The following NXPE2 variants were observed in gnomAD, a reference collection of about 807,000 sequenced individuals.
NXPE2 encodes NXPE family member 2.
A neutral mutation model predicts 34.4 loss-of-function variants in NXPE2; 34 were observed. The observed-to-expected ratio is 0.99, with a 90% CI of 0.75 to 1.31. The LOEUF (loss-of-function observed/expected upper bound fraction) is 1.31. Among genes scored for constraint, NXPE2 ranks in the 40% most tolerant of loss-of-function variants. The probability of loss-of-function intolerance (pLI) is 0.00; values close to 1 mark genes in which losing one functional copy is unlikely to be tolerated. For synonymous variants in NXPE2, 235 were observed against 231.3 expected (o/e 1.02, Z -0.15); for missense variants, 649 against 672.5 (o/e 0.97, Z 0.39).
the NXPE2 span, among the ~76,000 whole-genome samples, chr11:114,792,958 G>A: frequency 1.2e-4 from 18 of 152,092 alleles, no homozygotes; most frequent in South Asian, 4.2e-4. Context: ...GAATGTCTGC[G>A]GTAAAAAGGA....
chr11:114,680,542 C>T (rs1401343806), intron 2 of NXPE2, among the ~76,000 whole-genome samples: 1 of 152,054 alleles, frequency 6.6e-6, no homozygotes, highest in African/African-American at 2.4e-5. Context: ...AGATTTCTTC[C>T]TCTGATCCTC....
the NXPE2 span, among the ~76,000 whole-genome samples, chr11:114,646,620 TAAC>T: frequency 6.6e-6 from 1 of 152,098 alleles, no homozygotes; most frequent in Non-Finnish European, 1.5e-5. Context: ...AGCATCAAAA[TAAC>T]AAGTATTTTT....
At chr11:114,744,930 A>T in the NXPE2 span, among the ~76,000 whole-genome samples, 1 of 152,226 alleles carries the variant, frequency 6.6e-6, no homozygotes, top group Non-Finnish European at 1.5e-5. Context: ...TTAAGAATTT[A>T]AAAATAGTTA....
chr11:114,773,482 G>A, the NXPE2 span, among the ~76,000 whole-genome samples: 52 of 151,680 alleles, frequency 3.4e-4, no homozygotes, highest in African/African-American at 1.2e-3. Context: ...TGCAATACTT[G>A]CCCCCCACTT....
intron 2 of NXPE2, among the ~76,000 whole-genome samples, chr11:114,683,689 G>T (rs531697536): frequency 6.6e-6 from 1 of 152,292 alleles, no homozygotes; most frequent in Admixed American, 6.5e-5. Flanking sequence ...AAGAGTCAAA[G>T]ATTTTTATAA....
At chr11:114,529,892 C>T in the NXPE2 span, 1 of 347,426 alleles carries the variant, frequency 2.9e-6, no homozygotes. Context: ...GGTGAAGGAG[C>T]ATGGATGTTA....
chr11:114,621,200 T>C, the NXPE2 span, among the ~76,000 whole-genome samples: 3 of 150,360 alleles, frequency 2.0e-5, no homozygotes, highest in African/African-American at 4.9e-5. Flanking sequence ...CACTGTTACC[T>C]GGTGGATAAT....
chr11:114,631,756 G>A, the NXPE2 span, among the ~76,000 whole-genome samples: 33 of 151,132 alleles, frequency 2.2e-4, no homozygotes, highest in Middle Eastern at 3.4e-3. Flanking sequence ...ACTGTCACCC[G>A]GTGGATAATA....
chr11:114,472,919 A>G, the NXPE2 span, among the ~76,000 whole-genome samples: 1 of 152,300 alleles, frequency 6.6e-6, no homozygotes, highest in Admixed American at 6.5e-5. Context: ...ATGTGTTTCT[A>G]ATAAAAATGC....
At chr11:114,613,501 C>T in the NXPE2 span, among the ~76,000 whole-genome samples, 1,548 of 151,728 alleles carry the variant, frequency 0.01, 22 homozygotes, top group African/African-American at 0.035. Context: ...CACTATTACC[C>T]AGTGGATAAT....
At chr11:114,776,485 C>T in the NXPE2 span, among the ~76,000 whole-genome samples, 1 of 152,196 alleles carries the variant, frequency 6.6e-6, no homozygotes, top group Admixed American at 6.5e-5. Flanking sequence ...CAGTGCTCTC[C>T]GAGGGCAGCG....
the NXPE2 span, among the ~76,000 whole-genome samples, chr11:114,534,967 G>A: frequency 6.6e-6 from 1 of 152,066 alleles, no homozygotes; most frequent in African/African-American, 2.4e-5. Context: ...GCAACTCCAC[G>A]ACACATAATT....
chr11:114,741,688 A>G, the NXPE2 span, among the ~76,000 whole-genome samples: 3 of 152,102 alleles, frequency 2.0e-5, no homozygotes, highest in Admixed American at 1.3e-4. Context: ...AAGTCTATCA[A>G]ACTTCTTGTT....
At chr11:114,610,742 T>G in the NXPE2 span, among the ~76,000 whole-genome samples, 1 of 146,512 alleles carries the variant, frequency 6.8e-6, no homozygotes, top group Non-Finnish European at 1.5e-5. Context: ...CTGTTGCCCT[T>G]TGGATAATAA....
the NXPE2 span, among the ~76,000 whole-genome samples, chr11:114,637,977 G>A: frequency 0.14 from 21,834 of 151,270 alleles, 1,998 homozygotes; most frequent in East Asian, 0.38. Context: ...TCTTTGTGGC[G>A]TTCTCTGTAT....
At chr11:114,735,856 C>A in the NXPE2 span, among the ~76,000 whole-genome samples, 1 of 152,288 alleles carries the variant, frequency 6.6e-6, no homozygotes, top group South Asian at 2.1e-4. Flanking sequence ...AGCCAGATAT[C>A]AGGCAAAATT....
chr11:114,474,272 C>G, the NXPE2 span, among the ~76,000 whole-genome samples: 5 of 152,126 alleles, frequency 3.3e-5, no homozygotes, highest in Non-Finnish European at 7.3e-5. Context: ...ATGAGGTCAA[C>G]AAGGGAGTAA....
At chr11:114,593,517 G>C in the NXPE2 span, among the ~76,000 whole-genome samples, 2 of 152,168 alleles carry the variant, frequency 1.3e-5, no homozygotes, top group African/African-American at 4.8e-5. Context: ...CCAAAAGACA[G>C]ATAGTAACAT....
At chr11:114,640,534 C>A in the NXPE2 span, among the ~76,000 whole-genome samples, 1 of 151,774 alleles carries the variant, frequency 6.6e-6, no homozygotes, top group South Asian at 2.1e-4. Context: ...AACCTCCATA[C>A]TATTTACACA....
Sources: gnomAD v4.1 joint callset for allele counts (sites outside exome capture counted in the v4.1 genomes callset) on GRCh38, gnomAD v4.1.1 for gene constraint, MANE v1.5 for transcripts, NCBI Gene and HGNC (gene_info 2026-07-23, HGNC 2026-07-21) for gene names.